PARD3: variants seen among roughly 807,000 people sequenced by gnomAD.
PARD3 encodes partitioning defective 3 homolog.
A neutral mutation model predicts 155.4 loss-of-function variants in PARD3; 75 were observed. The ratio of observed to expected loss-of-function variants is 0.48; its 90% CI spans 0.40 to 0.58. PARD3 has a LOEUF of 0.58. PARD3 is among the 20% of genes least tolerant of loss of function. PARD3 has a pLI of 0.00. For missense variants in PARD3, 1,642 were observed against 1,721.7 expected (o/e 0.95, Z 0.82); for synonymous variants, 576 against 610.5 (o/e 0.94, Z 0.83).
chr10:34,382,563 C>T lies in PARD3; in HGVS notation c.1376G>A (p.Arg459Lys). ...SGYNTKKIGK[R>K]LNIQLKKGTE... is the part of the protein sequence containing the mutation. The stretch of plus-strand genomic sequence containing the variant: ...ACCTTTCTTAAGCTGGATATTAAGC[C>T]TCTTGCCTATTTTTTTGGTGTTATA... The change falls in exon 9 of 25, where the codon AGG becomes AAG. Residue 459 changes from arginine (R) to lysine (K), a missense_variant. Coordinates refer to ENST00000374788, the MANE Select transcript of PARD3 (RefSeq NM_001184785.2). 6.2e-7 allele frequency: 1 copy of T among 1,612,988 alleles called. No homozygotes were observed.
chr10:34,811,242 C>T (rs1272760012), intron 1 of PARD3, among the ~76,000 whole-genome samples: 3 of 152,224 alleles, frequency 2.0e-5, no homozygotes, highest in African/African-American at 4.8e-5. Context: ...TCCTACTGCA[C>T]GAAGTCTCAG....
intron 22 of PARD3, among the ~76,000 whole-genome samples, chr10:34,211,690 G>T (rs1951761279): frequency 6.6e-6 from 1 of 152,074 alleles, no homozygotes; most frequent in Non-Finnish European, 1.5e-5. Flanking sequence ...TGAGGCAGGA[G>T]AATTGCTTGA....
intron 2 of PARD3, among the ~76,000 whole-genome samples, chr10:34,670,488 T>C (rs2093591017): frequency 6.6e-6 from 1 of 152,218 alleles, no homozygotes; most frequent in Non-Finnish European, 1.5e-5. Context: ...TTTCTTCACC[T>C]GGCAATGTTT....
At chr10:34,603,793 A>C (rs2089991537) in intron 2 of PARD3, among the ~76,000 whole-genome samples, 1 of 152,214 alleles carries the variant, frequency 6.6e-6, no homozygotes, top group Non-Finnish European at 1.5e-5. Context: ...TGGTACTCAC[A>C]GCAAAAAGAA....
chr10:34,624,422 C>T (rs554570615), intron 2 of PARD3, among the ~76,000 whole-genome samples: 1 of 152,336 alleles, frequency 6.6e-6, no homozygotes, highest in East Asian at 1.9e-4. Context: ...TCAGACAAAT[C>T]GATTTCTGCT....
At chr10:34,424,620 T>C (rs2075494498) in intron 5 of PARD3, among the ~76,000 whole-genome samples, 1 of 152,012 alleles carries the variant, frequency 6.6e-6, no homozygotes. Context: ...GTTCAAGAGA[T>C]TCTCATTTCT....
At chr10:34,626,781 A>G (rs1405653577) in intron 2 of PARD3, among the ~76,000 whole-genome samples, 1 of 152,160 alleles carries the variant, frequency 6.6e-6, no homozygotes, top group Non-Finnish European at 1.5e-5. Context: ...GCAAGCTTTC[A>G]AAAAACACTC....
rs578086722 is a variant in PARD3, at chr10:34,475,589, G to A, written c.404-5326C>T. On this transcript the variant is annotated intron_variant, in intron 3 of 24. Coordinates refer to ENST00000374788, the MANE Select transcript of PARD3 (RefSeq NM_001184785.2). ...CATTTTGAATTAAACTTCTACCCAC[G>A]AGAAATTCCATAACATTAGTCATTT... Among the ~76,000 whole-genome samples, 184 of 152,196 alleles carry A rather than the reference G, an allele frequency of 1.2e-3. 1 individual carries two copies. The highest frequency in any genetic ancestry group is 4.3e-3 in the African/African-American group (178 of 41,534).
chr10:34,446,281 T>A (rs1215226809), intron 5 of PARD3, among the ~76,000 whole-genome samples: 1 of 152,182 alleles, frequency 6.6e-6, no homozygotes, highest in African/African-American at 2.4e-5. Flanking sequence ...GCTCCAGACT[T>A]CCTGCTACAT....
intron 2 of PARD3, among the ~76,000 whole-genome samples, chr10:34,591,022 C>T (rs1468904255): frequency 6.6e-6 from 1 of 152,274 alleles, no homozygotes; most frequent in South Asian, 2.1e-4. Context: ...TCTGCAATGG[C>T]AGGACTACCA....
At chr10:34,630,063 G>A (rs971781799) in intron 2 of PARD3, among the ~76,000 whole-genome samples, 1 of 152,066 alleles carries the variant, frequency 6.6e-6, no homozygotes, top group Non-Finnish European at 1.5e-5. Flanking sequence ...TAAACTTAGG[G>A]CCTATCAAAC....
At chr10:34,527,757 G>C (rs1203457292) in intron 2 of PARD3, among the ~76,000 whole-genome samples, 1 of 152,140 alleles carries the variant, frequency 6.6e-6, no homozygotes, top group Non-Finnish European at 1.5e-5. Context: ...TAATATTACA[G>C]TACAAAATGA....
At chr10:34,151,043 T>C (rs764543915) in intron 22 of PARD3, among the ~76,000 whole-genome samples, 1 of 152,222 alleles carries the variant, frequency 6.6e-6, no homozygotes, top group East Asian at 1.9e-4. Context: ...AGATGAACTA[T>C]TTAGTTAATG....
At chr10:34,346,203 A>T in intron 15 of PARD3, 1 of 1,129,324 alleles carries the variant, frequency 8.9e-7, no homozygotes, top group South Asian at 2.1e-5. Context: ...TATAATGCAA[A>T]CCGAAGAGGA....
chr10:34,128,244 CAG>C (rs1484466704), intron 23 of PARD3, among the ~76,000 whole-genome samples: 2 of 152,178 alleles, frequency 1.3e-5, no homozygotes, highest in Non-Finnish European at 1.5e-5. Flanking sequence ...CACTGATACA[CAG>C]AGTTTCTTCC....
intron 3 of PARD3, among the ~76,000 whole-genome samples, chr10:34,486,199 C>T (rs905156424): frequency 2.6e-5 from 4 of 151,984 alleles, no homozygotes; most frequent in Non-Finnish European, 5.9e-5. Flanking sequence ...ATTAGAGGCA[C>T]GAGCCAGCCT....
intron 20 of PARD3, among the ~76,000 whole-genome samples, chr10:34,309,790 G>A (rs1957608494): frequency 8.3e-6 from 1 of 120,686 alleles, no homozygotes; most frequent in East Asian, 2.5e-4. Context: ...AGTCATGGAT[G>A]ATGCAGAAAG....
chr10:34,317,693 T>C lies in PARD3; in HGVS notation c.2834-355A>G, dbSNP rs545625122. Among the ~76,000 whole-genome samples the C allele has an allele frequency of 2.0e-5, 3 of 152,330 alleles. No individual in the cohort carries two copies. In the East Asian group the frequency reaches 5.8e-4, roughly 29 times the overall value. On this transcript the variant is annotated intron_variant, in intron 19 of 24. Transcript: ENST00000374788. ...ACCTCTAAGGGTCCCGTGTACTATA[T>C]TTGCAAGATGAAAAGAAAGAAAATA...
intron 5 of PARD3, among the ~76,000 whole-genome samples, chr10:34,406,583 G>C (rs151187480): frequency 6.6e-6 from 1 of 151,904 alleles, no homozygotes; most frequent in Non-Finnish European, 1.5e-5. Context: ...TTTGACACGG[G>C]GTCTTGCTAT....
Sources: gnomAD v4.1 joint callset for allele counts (sites outside exome capture counted in the v4.1 genomes callset) on GRCh38, gnomAD v4.1.1 for gene constraint, MANE v1.5 for transcripts, NCBI Gene and HGNC (gene_info 2026-07-23, HGNC 2026-07-21) for gene names.